SEC23A: variants seen among roughly 807,000 people sequenced by gnomAD.
The protein encoded by SEC23A is protein transport protein Sec23A.
SEC23A carries 56 observed loss-of-function variants against 103.7 expected under a neutral mutation model. That is an observed-to-expected ratio of 0.54 (90% CI 0.44 to 0.67). The LOEUF is 0.67. Ranked by LOEUF, SEC23A falls within the 30% of genes least tolerant of loss-of-function variation. SEC23A has a pLI of 0.00. For synonymous variants in SEC23A, 281 were observed against 293.0 expected (o/e 0.96, Z 0.42); for missense variants, 784 against 936.4 (o/e 0.84, Z 2.12).
At chr14:39,055,003 T>C (rs1484078086) in intron 14 of SEC23A, 140 bp downstream of exon 14, 3 of 921,086 alleles carry the variant, frequency 3.3e-6, no homozygotes, top group East Asian at 2.5e-5. Flanking sequence ...ACTGTGCTAC[T>C]GTCTCAGTAA....
chr14:39,063,949 A>G (rs1210441784), intron 11 of SEC23A, among the ~76,000 whole-genome samples: 1 of 150,964 alleles, frequency 6.6e-6, no homozygotes, highest in African/African-American at 2.4e-5. Context: ...TGAGCCGAGA[A>G]GGCGCCACTG....
intron 5 of SEC23A, among the ~76,000 whole-genome samples, chr14:39,089,328 T>C (rs1353372432): frequency 6.6e-6 from 1 of 152,194 alleles, no homozygotes; most frequent in East Asian, 1.9e-4. Flanking sequence ...TACAATTCAT[T>C]TAATTCTCAT....
chr14:39,038,400 A>C (rs72671355), intron 19 of SEC23A, among the ~76,000 whole-genome samples: 1 of 152,338 alleles, frequency 6.6e-6, no homozygotes, highest in Non-Finnish European at 1.5e-5. Flanking sequence ...CTCTAATATT[A>C]GACTACAAGC....
chr14:39,040,906 A>G lies in SEC23A; in HGVS notation c.1987-19T>C, dbSNP rs776218482. The G allele has an allele frequency of 1.3e-6, 2 of 1,598,050 alleles. No individual in the cohort carries two copies. Among genetic ancestry groups the G allele is most frequent in the South Asian group, 2.3e-5 (2 of 88,702 alleles). On this transcript the variant is annotated intron_variant, in intron 17 of 19. Transcript: ENST00000307712. Reference sequence around the variant, plus strand: ...CTATGGTCTAATTTTAAAACAATTAAAGAAATTACTTTAAATTTCTTGCCC... The same window carrying G: ...CTATGGTCTAATTTTAAAACAATTAGAGAAATTACTTTAAATTTCTTGCCC...
chr14:39,093,080 G>A (rs1454650336), intron 3 of SEC23A, 107 bp downstream of exon 3: 2 of 828,292 alleles, frequency 2.4e-6, no homozygotes, highest in Admixed American at 2.1e-5. Context: ...TGTTAGCCAG[G>A]ATGGTCTCAA....
intron 7 of SEC23A, among the ~76,000 whole-genome samples, chr14:39,078,409 C>A (rs1000789182): frequency 6.6e-6 from 1 of 152,042 alleles, no homozygotes. Flanking sequence ...CCAGATCTTC[C>A]CAAAGGAGGA....
intron 7 of SEC23A, among the ~76,000 whole-genome samples, chr14:39,082,588 G>A (rs1346696305): frequency 6.6e-6 from 1 of 152,016 alleles, no homozygotes; most frequent in African/African-American, 2.4e-5. Context: ...AATCAACATG[G>A]GGGTTCCTAA....
At chr14:39,041,320 C>T (rs550769131) in intron 17 of SEC23A, 1 of 150,008 alleles carries the variant, frequency 6.7e-6, no homozygotes. Flanking sequence ...TAGCTTTATA[C>T]CTCTGTATAA....
In SEC23A at chr14:39,093,415, C is replaced by T. The variant is rs2180217; in HGVS notation, c.222-171G>A. Reference sequence around the variant, plus strand: ...TTAGATACTGCCAATATCTAATTCACACTTTTAACATATACAAGTTTACCT... The same window carrying T: ...TTAGATACTGCCAATATCTAATTCATACTTTTAACATATACAAGTTTACCT... On this transcript the variant is annotated intron_variant, in intron 2 of 19. Coordinates refer to ENST00000307712, the MANE Select transcript of SEC23A (RefSeq NM_006364.4). Among the ~76,000 whole-genome samples, 141,031 of 152,272 alleles carry T rather than the reference C, an allele frequency of 0.93. 65,404 individuals are homozygous for T. The highest frequency in any genetic ancestry group is 0.95 in the East Asian group (4,935 of 5,188).
chr14:39,045,236 C>A lies in SEC23A; in HGVS notation c.1826G>T (p.Arg609Leu), dbSNP rs748835653. ...ESSYYRHHFM[R>L]QDLTQSLIMI... ...AATTAGAGACTGGGTCAGATCTTGA[C>A]GCATAAAATGGTGACGATAATATGA... Residue 609 changes from arginine to leucine, a missense_variant, in exon 16 of 20, where the codon CGT becomes CTT. Physicochemically the swap from Arg to Leu is moderately radical, Grantham distance 102. Transcript: ENST00000307712. 1.2e-6 allele frequency: 2 copies of A among 1,613,126 alleles called. No individual in the cohort carries two copies. Among genetic ancestry groups the A allele is most frequent in the African/African-American group, 1.3e-5 (1 of 74,838 alleles).
intron 7 of SEC23A, among the ~76,000 whole-genome samples, chr14:39,082,916 G>A (rs1036003479): frequency 3.3e-5 from 5 of 152,238 alleles, no homozygotes; most frequent in African/African-American, 1.2e-4. Flanking sequence ...CAGGATGAAG[G>A]AGGGTAAATA....
At chr14:39,049,654 T>C (rs1296947408) in intron 14 of SEC23A, among the ~76,000 whole-genome samples, 1 of 151,650 alleles carries the variant, frequency 6.6e-6, no homozygotes, top group Non-Finnish European at 1.5e-5. Context: ...TGCACGTGAC[T>C]ATAGTCCCAG....
intron 19 of SEC23A, among the ~76,000 whole-genome samples, chr14:39,034,289 C>T (rs1265045794): frequency 1.8e-4 from 28 of 152,110 alleles, no homozygotes. Flanking sequence ...CTTAGTTTCC[C>T]CATGTGTAAA....
chr14:39,090,980 C>T, intron 5 of SEC23A: 1 of 352,122 alleles, frequency 2.8e-6, no homozygotes, highest in Non-Finnish European at 5.4e-6. Flanking sequence ...GTTGGTGCTG[C>T]ACCTGCAGAA....
At chr14:39,085,322 C>T (rs1321096938) in intron 7 of SEC23A, among the ~76,000 whole-genome samples, 1 of 152,166 alleles carries the variant, frequency 6.6e-6, no homozygotes, top group Non-Finnish European at 1.5e-5. Context: ...ATATCTTTAT[C>T]ATAAACCGAG....
At position 39,094,236 on chromosome 14, in the gene SEC23A, A is replaced by G. The variant is rs1207932119; in HGVS notation, c.222-992T>C. ...CATATATACACATACATATATATAT[A>G]TGCATATATACACATATACATATAT... On this transcript the variant is annotated intron_variant, in intron 2 of 19. Coordinates refer to ENST00000307712, the MANE Select transcript of SEC23A (RefSeq NM_006364.4). Among the ~76,000 whole-genome samples, 2 of 99,576 alleles carry G rather than the reference A, an allele frequency of 2.0e-5. 1 individual carries two copies. The highest frequency in any genetic ancestry group is 4.6e-5 in the Non-Finnish European group (2 of 43,306). 65.3% of individuals were successfully genotyped at this position (99,576 alleles called of 152,430 possible).
chr14:39,081,028 G>C (rs958426578), intron 7 of SEC23A, among the ~76,000 whole-genome samples: 1 of 152,004 alleles, frequency 6.6e-6, no homozygotes, highest in Non-Finnish European at 1.5e-5. Flanking sequence ...AACATGGCAA[G>C]ACTCTGTCTC....
intron 19 of SEC23A, among the ~76,000 whole-genome samples, chr14:39,037,673 T>C (rs1885504140): frequency 6.6e-6 from 1 of 152,224 alleles, no homozygotes; most frequent in African/African-American, 2.4e-5. Context: ...TTAATAATTC[T>C]GTACTAGTTA....
chr14:39,039,193 T>A (rs367676210), intron 18 of SEC23A, 97 bp from the exon 19 acceptor site: 1 of 985,510 alleles, frequency 1.0e-6, no homozygotes, highest in Non-Finnish European at 1.6e-6. Flanking sequence ...TTATTTAGTA[T>A]GTGTTGGTAA....
Sources: gnomAD v4.1 joint callset for allele counts (sites outside exome capture counted in the v4.1 genomes callset) on GRCh38, gnomAD v4.1.1 for gene constraint, MANE v1.5 for transcripts, NCBI Gene and HGNC (gene_info 2026-07-23, HGNC 2026-07-21) for gene names.